DISC1: variants seen among roughly 807,000 people sequenced by gnomAD.
DISC1 encodes DISC1 scaffold protein.
Under a neutral mutation model 84.5 loss-of-function variants are expected in DISC1, and 57 were observed. That is an observed-to-expected ratio of 0.67 (90% CI 0.55 to 0.84). The LOEUF is 0.84. Ranked by LOEUF, DISC1 falls within the 40% of genes least tolerant of loss-of-function variation. The pLI, the probability that DISC1 is intolerant of heterozygous loss-of-function variation, is 0.00. For synonymous variants in DISC1, 411 were observed against 415.2 expected (o/e 0.99, Z 0.12); for missense variants, 1,000 against 1,057.8 (o/e 0.95, Z 0.76).
At chr1:232,030,167 C>CG (rs1227177372) in intron 12 of DISC1, among the ~76,000 whole-genome samples, 2 of 152,130 alleles carry the variant, frequency 1.3e-5, no homozygotes, top group Non-Finnish European at 2.9e-5. Flanking sequence ...CCAGTCAAGT[C>CG]GGGACTTCCA....
chr1:231,883,972 G>A (rs1424751414), intron 9 of DISC1, among the ~76,000 whole-genome samples: 1 of 152,086 alleles, frequency 6.6e-6, no homozygotes, highest in African/African-American at 2.4e-5. Context: ...GACATGCCTG[G>A]TGGTCTGACA....
chr1:231,733,991 C>T (rs1279114375), intron 3 of DISC1, among the ~76,000 whole-genome samples: 1 of 146,920 alleles, frequency 6.8e-6, no homozygotes, highest in African/African-American at 2.5e-5. Flanking sequence ...TGATGATGAC[C>T]TGACTGGTGG....
At chr1:232,024,312 A>G (rs16856236) in intron 11 of DISC1, among the ~76,000 whole-genome samples, 4,923 of 152,228 alleles carry the variant, frequency 0.032, 156 homozygotes, top group East Asian at 0.16. Context: ...TCCAATATTT[A>G]CAAGTTATTT....
At chr1:231,658,706 G>C (rs1006794570) in intron 1 of DISC1, among the ~76,000 whole-genome samples, 1 of 151,978 alleles carries the variant, frequency 6.6e-6, no homozygotes, top group East Asian at 1.9e-4. Context: ...AGATTTTATC[G>C]AAGGCCTTTT....
intron 3 of DISC1, among the ~76,000 whole-genome samples, chr1:231,713,300 C>A (rs2068118359): frequency 6.6e-6 from 1 of 152,064 alleles, no homozygotes; most frequent in Admixed American, 6.6e-5. Context: ...AATAAGTGGA[C>A]AGAAACTATC....
rs1338509413 is a variant in DISC1 at position 232,036,813 on chromosome 1, C to T, written c.2547C>T (p.Val849=). The T allele has an allele frequency of 4.4e-6, 7 of 1,594,816 alleles. No homozygotes were observed. In the African/African-American group the frequency reaches 9.4e-5, roughly 21 times the overall value. The change falls in exon 13 of 13, where the codon GTC becomes GTT. Residue 849 remains valine (V), a synonymous_variant. Coordinates refer to ENST00000439617, the MANE Select transcript of DISC1 (RefSeq NM_018662.3). ...EAAASCMTAG[V]HEAQA Reference sequence around the variant, plus strand: ...CAGCTTCCTGCATGACAGCTGGTGTCCACGAAGCACAAGCCTGAGGAGTGA... The same window carrying T: ...CAGCTTCCTGCATGACAGCTGGTGTTCACGAAGCACAAGCCTGAGGAGTGA...
At chr1:231,885,195 C>A (rs151029109) in intron 9 of DISC1, among the ~76,000 whole-genome samples, 1 of 152,002 alleles carries the variant, frequency 6.6e-6, no homozygotes, top group African/African-American at 2.4e-5. Context: ...CTGAAACATA[C>A]GAAAAAATGA....
At chr1:231,685,612 C>G (rs971073642) in intron 1 of DISC1, among the ~76,000 whole-genome samples, 4 of 152,096 alleles carry the variant, frequency 2.6e-5, no homozygotes, top group African/African-American at 4.8e-5. Context: ...GCCACCATGC[C>G]CAGCTAATTT....
intron 10 of DISC1, among the ~76,000 whole-genome samples, chr1:231,964,342 C>A (rs1660801014): frequency 6.6e-6 from 1 of 152,192 alleles, no homozygotes; most frequent in Admixed American, 6.5e-5. Context: ...CGTTGCAAAG[C>A]CACCTTGCCC....
chr1:231,656,357 T>C (rs573870811), intron 1 of DISC1, among the ~76,000 whole-genome samples: 1 of 152,292 alleles, frequency 6.6e-6, no homozygotes, highest in Admixed American at 6.5e-5. Flanking sequence ...TTCTTCAATT[T>C]ATGTTTGTAT....
intron 4 of DISC1, among the ~76,000 whole-genome samples, chr1:231,759,546 A>G (rs919611038): frequency 1.2e-4 from 17 of 143,090 alleles, no homozygotes; most frequent in South Asian, 2.1e-4. Flanking sequence ...AAAAAAAAAA[A>G]AAAAACAAAA....
At chr1:231,807,143 C>G (rs1168356077) in intron 8 of DISC1, among the ~76,000 whole-genome samples, 1 of 152,234 alleles carries the variant, frequency 6.6e-6, no homozygotes, top group African/African-American at 2.4e-5. Flanking sequence ...TGTTGGACTG[C>G]GGGTCTGCAC....
chr1:231,958,751 T>C, intron 9 of DISC1, 77 bp from the exon 10 acceptor site: 1 of 1,441,344 alleles, frequency 6.9e-7, no homozygotes, highest in Non-Finnish European at 9.7e-7. Context: ...CCTTTGGCTT[T>C]GAGCTTTTAG....
At chr1:231,655,240 C>T (rs547243436) in intron 1 of DISC1, among the ~76,000 whole-genome samples, 3 of 152,082 alleles carry the variant, frequency 2.0e-5, no homozygotes, top group Admixed American at 6.6e-5. Flanking sequence ...CTTTTAAAGT[C>T]GCCCCTCCCA....
At chr1:231,849,421 A>G (rs538850409) in intron 9 of DISC1, among the ~76,000 whole-genome samples, 3 of 152,098 alleles carry the variant, frequency 2.0e-5, no homozygotes, top group Non-Finnish European at 4.4e-5. Flanking sequence ...TGCCTGGCCT[A>G]TCCTCATTTT....
intron 6 of DISC1, among the ~76,000 whole-genome samples, chr1:231,792,605 A>G (rs1489345982): frequency 6.6e-6 from 1 of 152,198 alleles, no homozygotes; most frequent in Non-Finnish European, 1.5e-5. Flanking sequence ...GGGAAAGTGC[A>G]TTTCTGCCCA....
chr1:231,771,052 C>G lies in DISC1; in HGVS notation c.1616C>G (p.Pro539Arg), dbSNP rs147158825. The G allele has an allele frequency of 1.4e-5, 23 of 1,603,550 alleles. No homozygotes were observed. The highest frequency in any genetic ancestry group is 1.9e-5 in the Non-Finnish European group (22 of 1,174,468). ...GGTCAGATTCCCTTCCATGCAGAGC[C>G]ACCGGAAACCATAAGGAGGTACTGC... ...SAGQIPFHAE[P>R]PETIRSLQER... Residue 539 changes from proline (P) to arginine (R), a missense_variant, in exon 6 of 13, where the codon CCA (proline) becomes CGA (arginine). Pro to Arg is a moderately radical substitution (Grantham distance 103). Transcript: ENST00000439617.
intron 1 of DISC1, among the ~76,000 whole-genome samples, chr1:231,685,449 T>A (rs2064148505): frequency 6.6e-6 from 1 of 152,064 alleles, no homozygotes; most frequent in Non-Finnish European, 1.5e-5. Flanking sequence ...TTCTTTATTT[T>A]ATCTTATTGT....
At chr1:231,875,194 G>A (rs200907366) in intron 9 of DISC1, among the ~76,000 whole-genome samples, 13 of 152,182 alleles carry the variant, frequency 8.5e-5, no homozygotes, top group Non-Finnish European at 1.6e-4. Flanking sequence ...TGTAATGTTT[G>A]GAGTAGATGA....
Sources: gnomAD v4.1 joint callset for allele counts (sites outside exome capture counted in the v4.1 genomes callset) on GRCh38, gnomAD v4.1.1 for gene constraint, MANE v1.5 for transcripts, NCBI Gene and HGNC (gene_info 2026-07-23, HGNC 2026-07-21) for gene names.